The following MAN2A2 variants were observed in gnomAD, a reference collection of about 807,000 sequenced individuals.
MAN2A2 encodes mannosidase alpha class 2A member 2, also known as alpha-mannosidase 2x.
MAN2A2 carries 79 observed loss-of-function variants against 126.8 expected under a neutral mutation model. The ratio of observed to expected loss-of-function variants is 0.62; its 90% CI spans 0.52 to 0.75. MAN2A2 has a LOEUF of 0.75. Ranked by LOEUF, MAN2A2 falls within the 30% of genes least tolerant of loss-of-function variation. MAN2A2 has a pLI of 0.00. For synonymous variants in MAN2A2, 671 were observed against 618.7 expected, an observed-to-expected ratio of 1.08 and a Z score of -1.25; for missense variants, 1,392 against 1,522.4, an observed-to-expected ratio of 0.91 and a Z score of 1.43.
rs183156997 is a variant in MAN2A2 at position 90,907,966 on chromosome 15, G to A, written c.1196+471G>A. Reference sequence around the variant, plus strand: ...AGCACTCTTGCTGAAATCAGGCCCCGGGGGAAAGTGTTAGGTAAGAGTTGA... The same window carrying A: ...AGCACTCTTGCTGAAATCAGGCCCCAGGGGAAAGTGTTAGGTAAGAGTTGA... On this transcript the variant is annotated intron_variant, in intron 8 of 22. Coordinates refer to ENST00000559717, the MANE Select transcript of MAN2A2 (RefSeq NM_006122.4). Among the ~76,000 whole-genome samples, 237 of 152,324 alleles carry A rather than the reference G, an allele frequency of 1.6e-3. 2 individuals are homozygous for A. Among genetic ancestry groups the A allele is most frequent in the Admixed American group, 3.0e-3 (46 of 15,302 alleles).
At position 90,913,867 on chromosome 15, in the gene MAN2A2, A is replaced by C. The variant is rs1452716898; in HGVS notation, c.2860+112A>C. 5 of 1,344,290 alleles carry C rather than the reference A, an allele frequency of 3.7e-6. No individual in the cohort carries two copies. In the East Asian group the frequency reaches 1.3e-4, roughly 35 times the overall value. The allele number at this position is 1,344,290 out of a possible 1,614,324, so 83.3% of individuals were successfully genotyped here. A position where few individuals can be genotyped will look rare whatever the true frequency, so the allele number is the denominator to read the frequency against. ...CCCTTGCCTCTTTCTGGACTGCATC[A>C]CCTCCATGCTTGGAGAGGGGGCAAG... is the stretch of plus-strand genomic sequence containing the variant. On this transcript the variant is annotated intron_variant, in intron 19 of 22. Transcript: ENST00000559717.
At chr15:90,902,385 C>T (rs1003817648), upstream of MAN2A2, 1 of 152,268 alleles carries the variant, frequency 6.6e-6, no homozygotes, top group Non-Finnish European at 1.5e-5. Flanking sequence ...AGGCAGCACC[C>T]CTTTGCCCGA....
intron 10 of MAN2A2, 104 bp from the exon 11 acceptor site, chr15:90,910,397 G>A: frequency 1.3e-6 from 2 of 1,572,208 alleles, no homozygotes; most frequent in Non-Finnish European, 1.7e-6. Flanking sequence ...CCAGAGGCCA[G>A]GGCAGGTAGA....
chr15:90,916,132 A>T lies in MAN2A2; in HGVS notation c.2870A>T (p.Glu957Val). The T allele has an allele frequency of 6.2e-7, 1 of 1,613,894 alleles. No individual in the cohort carries two copies. Among genetic ancestry groups the T allele is most frequent in the Non-Finnish European group, 8.5e-7 (1 of 1,179,934 alleles). Residue 957 changes from glutamate to valine, a missense_variant, in exon 20 of 23, where the codon GAG becomes GTG. Transcript: ENST00000559717. Reference protein sequence around the residue: ...GVSSLKDGQLEVILDRRLMQD... With the variant: ...GVSSLKDGQLVVILDRRLMQD... ...CTGTTTGCTTCCCCAGGCCAGCTGG[A>T]GGTGATCTTGGACCGGCGGCTGATG...
chr15:90,913,213 C>T (rs2034900960), intron 17 of MAN2A2, 60 bp from the exon 18 acceptor site: 2 of 1,588,292 alleles, frequency 1.3e-6, no homozygotes, highest in South Asian at 1.1e-5. Flanking sequence ...CCCAGCCCAG[C>T]CTCTTAGCTG....
chr15:90,919,697 G>T lies in MAN2A2; in HGVS notation c.3363G>T (p.Thr1121=). The change falls in exon 23 of 23, where the codon ACG becomes ACT. Residue 1121 remains threonine, a synonymous_variant. Transcript: ENST00000559717. The part of the protein sequence containing the change: ...DVVFLQPTSL[T]LLYPLASPSN... ...TATTCCTTCAGCCAACCTCCTTGAC[G>T]TTACTGTACCCTCTGGCCTCCCCGT... 6.2e-7 allele frequency: 1 copy of T among 1,614,156 alleles called. No individual in the cohort carries two copies. Among genetic ancestry groups the T allele is most frequent in the Non-Finnish European group, 8.5e-7 (1 of 1,180,038 alleles).
chr15:90,908,016 C>G (rs1481544865), intron 8 of MAN2A2, among the ~76,000 whole-genome samples: 1 of 152,186 alleles, frequency 6.6e-6, no homozygotes, highest in East Asian at 1.9e-4. Context: ...TAGTCAGAAC[C>G]TTAAGAATAC....
intron 6 of MAN2A2, 67 bp from the exon 7 acceptor site, chr15:90,906,673 C>G (rs1159826134): frequency 6.3e-7 from 1 of 1,587,776 alleles, no homozygotes; most frequent in Non-Finnish European, 8.6e-7. Context: ...GTCCCAGCAC[C>G]TGGAAGGCCG....
At position 90,907,361 on chromosome 15, in the gene MAN2A2, T is replaced by C; in HGVS notation, c.1062T>C (p.Tyr354=). The change falls in exon 8 of 23, where the codon TAT becomes TAC. Residue 354 remains tyrosine (Y), a synonymous_variant. Coordinates refer to ENST00000559717, the MANE Select transcript of MAN2A2 (RefSeq NM_006122.4). Reference sequence around the variant, plus strand: ...GTCACATGATGCCCTTCTACAGCTATGACGTCCCCCATACCTGTGGCCCAG... The same window carrying C: ...GTCACATGATGCCCTTCTACAGCTACGACGTCCCCCATACCTGTGGCCCAG... ...IFCHMMPFYS[Y]DVPHTCGPDP... 6.2e-7 allele frequency: 1 copy of C among 1,614,176 alleles called. No individual in the cohort carries two copies. Among genetic ancestry groups the C allele is most frequent in the South Asian group, 1.1e-5 (1 of 91,092 alleles).
Position 90,919,062 on chromosome 15 carries a change from T to C in MAN2A2, c.3300+307T>C, listed in dbSNP as rs77674448. Among the ~76,000 whole-genome samples, 737 of 152,334 alleles carry C rather than the reference T, an allele frequency of 4.8e-3. 10 individuals are homozygous for C. Among genetic ancestry groups the C allele is most frequent in the African/African-American group, 0.017 (702 of 41,568 alleles). On this transcript the variant is annotated intron_variant, in intron 22 of 22. Coordinates refer to ENST00000559717, the MANE Select transcript of MAN2A2 (RefSeq NM_006122.4). ...TTTGTAAGCTCATATCAGCCGGCAC[T>C]GATAAATGTCCCCGGGTGCCAGGTC...
chr15:90,903,216 C>G (rs2033979796), upstream of MAN2A2: 1 of 152,394 alleles, frequency 6.6e-6, no homozygotes, highest in African/African-American at 2.4e-5. Flanking sequence ...CTCTGTGATC[C>G]AACTCTCTCC....
Position 90,912,145 on chromosome 15 carries a change from C to T in MAN2A2, c.2212C>T (p.Leu738=). Residue 738 remains leucine, a synonymous_variant, in exon 15 of 23, where the codon CTG becomes TTG. Transcript: ENST00000559717. ...RTLPSSVRIY[L]HGRQLSVSRH... is the part of the protein sequence containing the mutation. ...GCTGCCCTCCTCTGTGCGCATCTAC[C>T]TGCACGGCCGGCAGCTGTCCGTCAG... is the stretch of plus-strand genomic sequence containing the variant. 6.2e-7 allele frequency: 1 copy of T among 1,613,916 alleles called. No individual in the cohort carries two copies. Among genetic ancestry groups the T allele is most frequent in the Non-Finnish European group, 8.5e-7 (1 of 1,179,954 alleles).
chr15:90,916,978 T>A (rs2035236783), intron 20 of MAN2A2, among the ~76,000 whole-genome samples: 1 of 152,052 alleles, frequency 6.6e-6, no homozygotes, highest in South Asian at 2.1e-4. Flanking sequence ...AGGTGTGGCT[T>A]TGATGAATGG....
At chr15:90,911,645 C>A in intron 14 of MAN2A2, 95 bp downstream of exon 14, 1 of 1,344,348 alleles carries the variant, frequency 7.4e-7, no homozygotes, top group Non-Finnish European at 1.0e-6. Flanking sequence ...CTGCTTGTGG[C>A]CCTGCTACTC....
At chr15:90,910,764 C>T (rs548921102) in intron 11 of MAN2A2, 81 bp downstream of exon 11, 304 of 1,597,644 alleles carry the variant, frequency 1.9e-4, no homozygotes, top group Non-Finnish European at 2.2e-4. Flanking sequence ...GGGGGTAGGC[C>T]GGCCTAGGGC....
At chr15:90,903,674 TTTA>T (rs2034015932) in intron 1 of MAN2A2, 2 of 227,218 alleles carry the variant, frequency 8.8e-6, no homozygotes, top group Non-Finnish European at 1.8e-5. Flanking sequence ...ATCTTTCTTC[TTTA>T]TTAGAAAGAA....
chr15:90,910,003 C>T, intron 9 of MAN2A2, 87 bp from the exon 10 acceptor site: 1 of 1,213,398 alleles, frequency 8.2e-7, no homozygotes, highest in Non-Finnish European at 1.2e-6. Context: ...GGCCAGAGCC[C>T]CTGCCTCACC....
Position 90,907,381 on chromosome 15 carries a change from G to A in MAN2A2, c.1082G>A (p.Gly361Asp). ...AGCTATGACGTCCCCCATACCTGTGGCCCAGATCCCAAGATCTGCTGCCAA... is the reference window on the plus strand; with the variant it reads ...AGCTATGACGTCCCCCATACCTGTGACCCAGATCCCAAGATCTGCTGCCAA... The part of the protein sequence containing the change: ...FYSYDVPHTC[G>D]PDPKICCQFD... Residue 361 changes from glycine (G) to aspartate (D), a missense_variant, in exon 8 of 23, where the codon GGC becomes GAC. Transcript: ENST00000559717. The A allele has an allele frequency of 6.2e-7, 1 of 1,614,110 alleles. No individual in the cohort carries two copies. The highest frequency in any genetic ancestry group is 8.5e-7 in the Non-Finnish European group (1 of 1,179,988).
intron 1 of MAN2A2, chr15:90,903,977 C>A (rs2034042462): frequency 3.4e-6 from 2 of 590,168 alleles, no homozygotes; most frequent in African/African-American, 3.7e-5. Context: ...TTTTTCATAG[C>A]ACCAGCCAAA....
Sources: allele counts gnomAD v4.1 joint callset (sites outside exome capture counted in the v4.1 genomes callset), GRCh38; gene constraint gnomAD v4.1.1; transcripts MANE v1.5; gene names NCBI Gene and HGNC (gene_info 2026-07-23, HGNC 2026-07-21).